Variants in PCDHGA6 observed in about 807,000 individuals in gnomAD.
PCDHGA6 encodes the protein protocadherin gamma-A6.
In PCDHGA6, 41 loss-of-function variants were observed where a neutral mutation model predicts 60.6. The observed-to-expected ratio is 0.68, with a 90% CI of 0.53 to 0.88. PCDHGA6 has a LOEUF of 0.88. Ranked by LOEUF, PCDHGA6 falls within the 40% of genes least tolerant of loss-of-function variation. The pLI is 0.00. For missense variants in PCDHGA6, 1,312 were observed against 1,203.0 expected (o/e 1.09, Z -1.34); for synonymous variants, 594 against 524.4 (o/e 1.13, Z -1.81).
At chr5:141,470,182 G>A (rs540599468) in intron 1 of PCDHGA6, among the ~76,000 whole-genome samples, 1 of 152,262 alleles carries the variant, frequency 6.6e-6, no homozygotes, top group Non-Finnish European at 1.5e-5. Context: ...AAATATTCAA[G>A]TAAACTTCAG....
At chr5:141,419,773 C>G (rs2096431068) in intron 1 of PCDHGA6, 1 of 1,613,916 alleles carries the variant, frequency 6.2e-7, no homozygotes, top group Non-Finnish European at 8.5e-7. Context: ...AGGACTCGGT[C>G]CGCCAGCGCC....
intron 1 of PCDHGA6, chr5:141,419,023 A>C: frequency 6.2e-7 from 1 of 1,613,958 alleles, no homozygotes; most frequent in East Asian, 2.2e-5. Context: ...GCTTAAGTAG[A>C]GGTGTTCCAT....
intron 1 of PCDHGA6, among the ~76,000 whole-genome samples, chr5:141,456,363 G>A (rs1233146015): frequency 6.6e-6 from 1 of 152,098 alleles, no homozygotes; most frequent in African/African-American, 2.4e-5. Flanking sequence ...GTCCATGTGT[G>A]GTTCAGTTTA....
intron 1 of PCDHGA6, among the ~76,000 whole-genome samples, chr5:141,439,532 C>T (rs1030997598): frequency 6.6e-6 from 1 of 152,202 alleles, no homozygotes; most frequent in Admixed American, 6.5e-5. Context: ...CTACAGAACG[C>T]TGTCCTCTCA....
At position 141,410,196 on chromosome 5, in the gene PCDHGA6, C is replaced by A. The variant is rs773310778; in HGVS notation, c.2424+33689C>A. 7.4e-6 allele frequency: 12 copies of A among 1,613,866 alleles called. No individual in the cohort carries two copies. In the South Asian group the frequency reaches 1.2e-4, roughly 16 times the overall value. On this transcript the variant is annotated intron_variant, in intron 1 of 3. Transcript: ENST00000517434. ...ACCGCCACGCTTCATCTGGTCTTCG[C>A]AGACAACTTGCAAGAGATACTGCCA... is the stretch of plus-strand genomic sequence containing the variant.
At chr5:141,462,100 G>T (rs1202526885) in intron 1 of PCDHGA6, among the ~76,000 whole-genome samples, 1 of 152,164 alleles carries the variant, frequency 6.6e-6, no homozygotes, top group Non-Finnish European at 1.5e-5. Flanking sequence ...TGGGATTACA[G>T]GCATGAGCCA....
At chr5:141,383,599 G>T in intron 1 of PCDHGA6, 2 of 1,613,742 alleles carry the variant, frequency 1.2e-6, no homozygotes, top group Non-Finnish European at 8.5e-7. Flanking sequence ...GACAGTGGTG[G>T]ATGTGAATGA....
intron 1 of PCDHGA6, chr5:141,394,971 C>T: frequency 6.2e-7 from 1 of 1,613,938 alleles, no homozygotes. Context: ...GAGGCGCTGG[C>T]ACAAGTCACG....
chr5:141,492,146 C>T (rs979485619), intron 1 of PCDHGA6, among the ~76,000 whole-genome samples: 3 of 152,242 alleles, frequency 2.0e-5, no homozygotes, highest in African/African-American at 4.8e-5. Flanking sequence ...TGTGACTTCA[C>T]TGTTACCCTC....
At chr5:141,387,739 C>T (rs182945836) in intron 1 of PCDHGA6, 1 of 1,328,598 alleles carries the variant, frequency 7.5e-7, no homozygotes, top group East Asian at 2.5e-5. Context: ...AGCCTTTACA[C>T]CGCTTCCTCC....
chr5:141,422,922 C>T (rs1244444241), intron 1 of PCDHGA6: 1 of 1,614,130 alleles, frequency 6.2e-7, no homozygotes, highest in Non-Finnish European at 8.5e-7. Flanking sequence ...AGATCCTGTA[C>T]CCTGCCCTCC....
In PCDHGA6 at chr5:141,432,115, C is replaced by G. The variant is rs753088299; in HGVS notation, c.2424+55608C>G. On this transcript the variant is annotated intron_variant, in intron 1 of 3. Transcript: ENST00000517434. This position sits in a 1 kb window ranked among gnomAD's most constrained non-coding sequence, Gnocchi z 6.0. ...ACACCAACGACAACCCGCCGGTCTT[C>G]CCTCAGGCCTCCTATTCCGCTTATA... The G allele has an allele frequency of 1.2e-5, 20 of 1,614,178 alleles. No individual in the cohort carries two copies. Among genetic ancestry groups the G allele is most frequent in the Non-Finnish European group, 1.6e-5 (19 of 1,180,050 alleles).
At chr5:141,400,856 A>G (rs1026499885) in intron 1 of PCDHGA6, among the ~76,000 whole-genome samples, 6 of 152,192 alleles carry the variant, frequency 3.9e-5, no homozygotes, top group Non-Finnish European at 8.8e-5. Context: ...ATTTTATTGT[A>G]TGTAGATAAA....
intron 1 of PCDHGA6, among the ~76,000 whole-genome samples, chr5:141,455,574 C>T (rs1214642742): frequency 6.6e-6 from 1 of 152,158 alleles, no homozygotes; most frequent in Non-Finnish European, 1.5e-5. Flanking sequence ...CCTCCCACCC[C>T]AGCCTTTTAA....
intron 1 of PCDHGA6, chr5:141,408,127 G>A (rs1017651550): frequency 2.0e-6 from 3 of 1,480,258 alleles, no homozygotes; most frequent in African/African-American, 2.8e-5. Context: ...GTCCTGGGCC[G>A]AATGCTCTTT....
intron 1 of PCDHGA6, among the ~76,000 whole-genome samples, chr5:141,400,951 C>A (rs991607511): frequency 6.6e-6 from 1 of 152,174 alleles, no homozygotes; most frequent in Non-Finnish European, 1.5e-5. Flanking sequence ...ACTGATTTCA[C>A]TGGTAGTTTT....
intron 1 of PCDHGA6, chr5:141,388,966 G>A: frequency 1.2e-6 from 2 of 1,614,014 alleles, no homozygotes; most frequent in Non-Finnish European, 1.7e-6. Flanking sequence ...GCCGAGCTGG[G>A]AACACATATT....
intron 1 of PCDHGA6, among the ~76,000 whole-genome samples, chr5:141,466,183 T>G (rs145148468): frequency 2.0e-5 from 3 of 152,138 alleles, no homozygotes; most frequent in Middle Eastern, 3.4e-3. Flanking sequence ...TATTTTTATT[T>G]TTTTTCAGAC....
chr5:141,409,248 T>A (rs779725312), intron 1 of PCDHGA6: 3 of 1,614,032 alleles, frequency 1.9e-6, no homozygotes, highest in South Asian at 2.2e-5. Context: ...GAAATAATCA[T>A]CACTTCTCTC....
Sources: allele counts gnomAD v4.1 joint callset (sites outside exome capture counted in the v4.1 genomes callset), GRCh38; gene constraint gnomAD v4.1.1; non-coding constraint Gnocchi (gnomAD v3.1); transcripts MANE v1.5; gene names NCBI Gene and HGNC (gene_info 2026-07-23, HGNC 2026-07-21).